MAGI2: variants seen among roughly 807,000 people sequenced by gnomAD.
The protein encoded by MAGI2 is membrane-associated guanylate kinase, WW and PDZ domain-containing protein 2.
Under a neutral mutation model 133.3 loss-of-function variants are expected in MAGI2, and 35 were observed. That is an observed-to-expected ratio of 0.26 (90% confidence interval 0.20 to 0.35). The LOEUF is 0.35. Among genes scored for constraint, MAGI2 ranks in the 10% least tolerant of loss-of-function variants. The pLI is 1.00. For synonymous variants in MAGI2, 729 were observed against 710.6 expected, an observed-to-expected ratio of 1.03 and a Z score of -0.41; for missense variants, 1,636 against 1,863.4, an observed-to-expected ratio of 0.88 and a Z score of 2.25.
intron 2 of MAGI2, among the ~76,000 whole-genome samples, chr7:78,809,952 G>A (rs1481968781): frequency 6.6e-6 from 1 of 152,082 alleles, no homozygotes; most frequent in Non-Finnish European, 1.5e-5. Flanking sequence ...ATTACTTCAA[G>A]TTTCTTGTGA....
At chr7:78,524,909 C>G (rs1347876348) in intron 3 of MAGI2, among the ~76,000 whole-genome samples, 1 of 151,204 alleles carries the variant, frequency 6.6e-6, no homozygotes, top group African/African-American at 2.5e-5. Flanking sequence ...TCTTTAATAC[C>G]TTTAATACAT....
intron 2 of MAGI2, among the ~76,000 whole-genome samples, chr7:78,652,008 T>A (rs1426443943): frequency 1.3e-5 from 2 of 152,164 alleles, no homozygotes; most frequent in African/African-American, 4.8e-5. Context: ...TGGTTGTATA[T>A]GTATATACTT....
intron 1 of MAGI2, among the ~76,000 whole-genome samples, chr7:79,183,206 G>A (rs1040707011): frequency 6.6e-6 from 1 of 151,726 alleles, no homozygotes; most frequent in African/African-American, 2.4e-5. Flanking sequence ...GTCTTGAAAT[G>A]TATCCAACAT....
intron 19 of MAGI2, among the ~76,000 whole-genome samples, chr7:78,126,305 A>T (rs1308974685): frequency 6.6e-6 from 1 of 152,000 alleles, no homozygotes; most frequent in Non-Finnish European, 1.5e-5. Context: ...CAGACTATTG[A>T]ATATCAAGTT....
intron 1 of MAGI2, among the ~76,000 whole-genome samples, chr7:79,079,261 C>T (rs1815820443): frequency 6.6e-6 from 1 of 152,090 alleles, no homozygotes; most frequent in Non-Finnish European, 1.5e-5. Context: ...ATGGTAAGCA[C>T]CTAGAATCTG....
Position 78,688,856 on chromosome 7 carries a change from AAAG to A in MAGI2, c.419-61620_419-61618del, listed in dbSNP as rs1467154970. 3.3e-5 allele frequency among the ~76,000 whole-genome samples: 5 copies of A among 152,232 alleles called. 1 individual carries two copies. Among genetic ancestry groups the A allele is most frequent in the Non-Finnish European group, 7.3e-5 (5 of 68,030 alleles). Reference sequence around the variant, plus strand: ...GTGTCTCAGAGAAAGATAAAATAGAAAAGAAGAAATAATTATATCAATAATTTA... The same window carrying A: ...GTGTCTCAGAGAAAGATAAAATAGAAAAGAAATAATTATATCAATAATTTA... On this transcript the variant is annotated intron_variant, in intron 2 of 21. Transcript: ENST00000354212.
chr7:79,163,995 G>A (rs1270391003), intron 1 of MAGI2, among the ~76,000 whole-genome samples: 1 of 151,874 alleles, frequency 6.6e-6, no homozygotes, highest in African/African-American at 2.4e-5. Context: ...ATTACATCAG[G>A]TCAGGGCATG....
intron 3 of MAGI2, among the ~76,000 whole-genome samples, chr7:78,536,982 C>T (rs1798007559): frequency 6.6e-6 from 1 of 152,048 alleles, no homozygotes; most frequent in South Asian, 2.1e-4. Flanking sequence ...CCCCCTGAGT[C>T]CTCAGTCCGT....
chr7:78,760,493 G>T (rs908190430), intron 2 of MAGI2, among the ~76,000 whole-genome samples: 13 of 151,554 alleles, frequency 8.6e-5, no homozygotes, highest in Admixed American at 3.3e-4. Flanking sequence ...CTCCCGAGTA[G>T]CTGGGGTTAC....
chr7:79,296,571 A>C (rs1236467729), intron 1 of MAGI2, among the ~76,000 whole-genome samples: 1 of 152,206 alleles, frequency 6.6e-6, no homozygotes, highest in Non-Finnish European at 1.5e-5. Flanking sequence ...TGTTAAGTAA[A>C]ATAAGCCAGG....
At chr7:78,704,604 G>T (rs748422563) in intron 2 of MAGI2, among the ~76,000 whole-genome samples, 13 of 151,952 alleles carry the variant, frequency 8.6e-5, no homozygotes, top group Non-Finnish European at 1.9e-4. Context: ...GCATGCACAT[G>T]TTCATCACAG....
chr7:78,788,187 T>C (rs1826987488), intron 2 of MAGI2, among the ~76,000 whole-genome samples: 1 of 152,212 alleles, frequency 6.6e-6, no homozygotes, highest in Admixed American at 6.5e-5. Flanking sequence ...GACCTGCATA[T>C]TCCCTTCCCT....
intron 3 of MAGI2, among the ~76,000 whole-genome samples, chr7:78,535,510 T>C (rs986363703): frequency 1.6e-4 from 25 of 152,278 alleles, no homozygotes; most frequent in Non-Finnish European, 2.4e-4. Context: ...AAACTGCCTT[T>C]GTAAAAATTA....
At chr7:78,642,005 AG>A (rs1810366444) in intron 2 of MAGI2, among the ~76,000 whole-genome samples, 1 of 152,160 alleles carries the variant, frequency 6.6e-6, no homozygotes, top group Non-Finnish European at 1.5e-5. Flanking sequence ...CTTCCATTTT[AG>A]GGTATAATTA....
At chr7:78,797,492 A>G (rs149855543) in intron 2 of MAGI2, among the ~76,000 whole-genome samples, 165 of 152,140 alleles carry the variant, frequency 1.1e-3, no homozygotes, top group African/African-American at 3.8e-3. Flanking sequence ...GGAGCTTTTT[A>G]TTTCTGCAAC....
At chr7:78,602,352 G>T (rs1368097939) in intron 3 of MAGI2, among the ~76,000 whole-genome samples, 3 of 151,418 alleles carry the variant, frequency 2.0e-5, no homozygotes, top group Admixed American at 2.0e-4. Context: ...TAGAAACGGG[G>T]TTTCACCACG....
intron 1 of MAGI2, among the ~76,000 whole-genome samples, chr7:79,188,223 G>A (rs914716706): frequency 1.3e-5 from 2 of 151,682 alleles, no homozygotes; most frequent in Non-Finnish European, 2.9e-5. Context: ...CATCACCTAG[G>A]TATTAAGCCC....
intron 10 of MAGI2, among the ~76,000 whole-genome samples, chr7:78,205,379 AC>A (rs147280363): frequency 0.13 from 19,918 of 152,124 alleles, 1,994 homozygotes; most frequent in East Asian, 0.3. Flanking sequence ...TGATCTGCCC[AC>A]CTCAGCCTCC....
intron 1 of MAGI2, among the ~76,000 whole-genome samples, chr7:79,185,082 T>G (rs1426826587): frequency 6.6e-6 from 1 of 151,856 alleles, no homozygotes; most frequent in African/African-American, 2.4e-5. Flanking sequence ...ACCCCAAATC[T>G]GGAGACAAGT....
Sources: allele counts gnomAD v4.1 joint callset (sites outside exome capture counted in the v4.1 genomes callset), GRCh38; gene constraint gnomAD v4.1.1; transcripts MANE v1.5; gene names NCBI Gene and HGNC (gene_info 2026-07-23, HGNC 2026-07-21).